Variants in HYCC2 observed in about 807,000 individuals in gnomAD.
HYCC2 encodes hyccin PI4KA lipid kinase complex subunit 2, also known as hyccin 2.
chr2:201,028,634 G>A, the HYCC2 span, among the ~76,000 whole-genome samples: 1 of 152,150 alleles, frequency 6.6e-6, no homozygotes, highest in African/African-American at 2.4e-5. Context: ...CAATGGAACA[G>A]AACAGAGCCC....
chr2:201,013,505 C>T, the HYCC2 span, among the ~76,000 whole-genome samples: 22 of 148,036 alleles, frequency 1.5e-4, no homozygotes, highest in African/African-American at 5.4e-4. Context: ...AAAGAAAGAA[C>T]AGCAGCAATA....
chr2:201,012,338 G>A, the HYCC2 span, among the ~76,000 whole-genome samples: 2 of 152,148 alleles, frequency 1.3e-5, no homozygotes, highest in Non-Finnish European at 2.9e-5. Context: ...TCGCAGGCCT[G>A]TAGTCCCAGC....
At chr2:200,982,230 G>GA in the HYCC2 span, among the ~76,000 whole-genome samples, 636 of 118,862 alleles carry the variant, frequency 5.4e-3, no homozygotes, top group Admixed American at 7.5e-3. Context: ...CTACCTACTG[G>GA]AAAAAAAAAA....
At chr2:201,053,554 T>C in the HYCC2 span, among the ~76,000 whole-genome samples, 1 of 152,222 alleles carries the variant, frequency 6.6e-6, no homozygotes, top group African/African-American at 2.4e-5. Flanking sequence ...AAAGCTAGCC[T>C]AATGAATAGA....
At chr2:201,009,440 T>C in the HYCC2 span, 4 of 166,224 alleles carry the variant, frequency 2.4e-5, no homozygotes, top group Non-Finnish European at 3.9e-5. Context: ...ATACAAACAA[T>C]ATTAAAGACT....
At chr2:201,065,444 G>C in the HYCC2 span, among the ~76,000 whole-genome samples, 1 of 152,188 alleles carries the variant, frequency 6.6e-6, no homozygotes, top group Admixed American at 6.5e-5. Context: ...AGTTTCTCTG[G>C]AACAAATGCC....
At chr2:201,029,125 C>A in the HYCC2 span, among the ~76,000 whole-genome samples, 6 of 152,124 alleles carry the variant, frequency 3.9e-5, no homozygotes, top group Non-Finnish European at 8.8e-5. Context: ...AATCAAACAA[C>A]CCCATCAAAA....
the HYCC2 span, among the ~76,000 whole-genome samples, chr2:201,006,267 T>C: frequency 1.3e-5 from 2 of 151,658 alleles, no homozygotes; most frequent in Non-Finnish European, 2.9e-5. Context: ...TAGCTGGGAT[T>C]ACAGGCACCC....
At chr2:201,023,097 C>A in the HYCC2 span, among the ~76,000 whole-genome samples, 1 of 152,002 alleles carries the variant, frequency 6.6e-6, no homozygotes, top group Non-Finnish European at 1.5e-5. Context: ...GTCTGGAATC[C>A]CAGCAGTTTG....
At chr2:201,018,407 T>C in the HYCC2 span, among the ~76,000 whole-genome samples, 1 of 152,212 alleles carries the variant, frequency 6.6e-6, no homozygotes, top group Non-Finnish European at 1.5e-5. Context: ...CTATTCTAAA[T>C]GATTAAAATA....
chr2:201,011,382 T>C, the HYCC2 span: 1 of 1,466,830 alleles, frequency 6.8e-7, no homozygotes, highest in Non-Finnish European at 9.3e-7. Flanking sequence ...ACCTTTCCAA[T>C]GTTACTTACT....
At chr2:200,993,113 G>A in the HYCC2 span, 1 of 734,534 alleles carries the variant, frequency 1.4e-6, no homozygotes, top group Non-Finnish European at 2.3e-6. Flanking sequence ...TATATATTGA[G>A]TGCCTGTTAT....
At chr2:201,063,692 T>C in the HYCC2 span, 1 of 1,577,328 alleles carries the variant, frequency 6.3e-7, no homozygotes, top group Admixed American at 1.7e-5. Context: ...TTCTGGAAAC[T>C]TTGGTGGTGG....
chr2:201,018,234 A>G, the HYCC2 span, among the ~76,000 whole-genome samples: 1 of 152,216 alleles, frequency 6.6e-6, no homozygotes, highest in African/African-American at 2.4e-5. Context: ...TGTACTGCCA[A>G]TTTAGAATGG....
chr2:200,979,856 A>T, the HYCC2 span: 2 of 152,476 alleles, frequency 1.3e-5, no homozygotes, highest in Non-Finnish European at 1.5e-5. Flanking sequence ...AACTAAGGAA[A>T]TTTTTTTTAC....
At chr2:201,030,761 T>G in the HYCC2 span, among the ~76,000 whole-genome samples, 1 of 152,068 alleles carries the variant, frequency 6.6e-6, no homozygotes, top group Non-Finnish European at 1.5e-5. Flanking sequence ...GTATTTTTAG[T>G]AGAGACAGGA....
chr2:200,988,596 AAT>A, the HYCC2 span, among the ~76,000 whole-genome samples: 3 of 152,304 alleles, frequency 2.0e-5, no homozygotes, highest in South Asian at 6.2e-4. Context: ...GAATTTCTAA[AAT>A]ATGAGTCACA....
At chr2:201,063,004 C>A in the HYCC2 span, 2 of 1,483,774 alleles carry the variant, frequency 1.3e-6, no homozygotes, top group Non-Finnish European at 1.9e-6. Flanking sequence ...TATTATGCAT[C>A]AAGTACTATA....
At chr2:200,976,192 GAA>G in the HYCC2 span, 1 of 152,100 alleles carries the variant, frequency 6.6e-6, no homozygotes, top group Non-Finnish European at 1.5e-5. Context: ...CAACTTGAAA[GAA>G]AAAGTCTCAT....
Sources: allele counts gnomAD v4.1 joint callset (sites outside exome capture counted in the v4.1 genomes callset), GRCh38; gene constraint gnomAD v4.1.1; transcripts MANE v1.5; gene names NCBI Gene and HGNC (gene_info 2026-07-23, HGNC 2026-07-21).